The following LAMC2 variants were observed in gnomAD, a reference collection of about 807,000 sequenced individuals.
LAMC2 encodes laminin subunit gamma-2.
Under a neutral mutation model 140.2 loss-of-function variants are expected in LAMC2, and 97 were observed. The observed-to-expected ratio is 0.69, with a 90% confidence interval of 0.59 to 0.82. LAMC2 has a LOEUF of 0.82. Among genes scored for constraint, LAMC2 ranks in the 40% least tolerant of loss-of-function variants. LAMC2 has a pLI of 0.00. For missense variants in LAMC2, 1,402 were observed against 1,476.1 expected (o/e 0.95, Z 0.82); for synonymous variants, 513 against 540.2 (o/e 0.95, Z 0.70).
chr1:183,255,353 G>A, the LAMC2 span, among the ~76,000 whole-genome samples: 1 of 152,130 alleles, frequency 6.6e-6, no homozygotes, highest in Non-Finnish European at 1.5e-5. Flanking sequence ...GAAGTGTGAT[G>A]CCTCCAACTT....
At chr1:183,239,945 G>A (rs150636475) in intron 20 of LAMC2, 95 bp from the exon 21 acceptor site, 263 of 1,372,240 alleles carry the variant, frequency 1.9e-4, no homozygotes, top group Middle Eastern at 2.4e-4. Context: ...ATCAGGGCCC[G>A]GCTGCCGCTG....
At chr1:183,237,745 G>T (rs181423105) in intron 18 of LAMC2, among the ~76,000 whole-genome samples, 1 of 152,260 alleles carries the variant, frequency 6.6e-6, no homozygotes, top group Admixed American at 6.5e-5. Context: ...AAATAGCTGT[G>T]CATGATGACA....
At chr1:183,190,859 G>A (rs1658310368) in intron 1 of LAMC2, among the ~76,000 whole-genome samples, 1 of 152,158 alleles carries the variant, frequency 6.6e-6, no homozygotes, top group East Asian at 1.9e-4. Flanking sequence ...ATACAGTACT[G>A]TTTGAATCTG....
At chr1:183,232,473 G>T in intron 13 of LAMC2, 130 bp downstream of exon 13, 3 of 1,181,600 alleles carry the variant, frequency 2.5e-6, no homozygotes, top group Non-Finnish European at 3.7e-6. Flanking sequence ...TGCAGAAGTG[G>T]AAGGACTGTC....
chr1:183,193,325 CTG>C (rs1317633582), intron 1 of LAMC2, among the ~76,000 whole-genome samples: 1 of 152,176 alleles, frequency 6.6e-6, no homozygotes, highest in African/African-American at 2.4e-5. Context: ...GTTGATAGTA[CTG>C]TGATAAGACT....
intron 5 of LAMC2, among the ~76,000 whole-genome samples, 192 bp from the exon 6 acceptor site, chr1:183,221,897 G>A (rs943743842): frequency 3.3e-5 from 5 of 152,152 alleles, no homozygotes; most frequent in Non-Finnish European, 7.3e-5. Flanking sequence ...TGCGGGATGG[G>A]AGCAGGTGAA....
intron 1 of LAMC2, among the ~76,000 whole-genome samples, chr1:183,204,603 G>A (rs1359555452): frequency 6.6e-6 from 1 of 152,060 alleles, no homozygotes; most frequent in Non-Finnish European, 1.5e-5. Flanking sequence ...CAGCACTCCA[G>A]CCTGGACAAC....
chr1:183,206,915 C>T (rs1455339124), intron 1 of LAMC2, among the ~76,000 whole-genome samples: 1 of 152,184 alleles, frequency 6.6e-6, no homozygotes, highest in Admixed American at 6.5e-5. Context: ...TTCACCTTTC[C>T]GAGCTGCATG....
chr1:183,195,787 A>G (rs1247787827), intron 1 of LAMC2, among the ~76,000 whole-genome samples: 1 of 150,214 alleles, frequency 6.7e-6, no homozygotes, highest in East Asian at 2.0e-4. Context: ...CACATTAAAC[A>G]ATGAAGTTCA....
At chr1:183,229,078 AG>A (rs1659722926) in intron 11 of LAMC2, among the ~76,000 whole-genome samples, 2 of 152,212 alleles carry the variant, frequency 1.3e-5, no homozygotes, top group African/African-American at 4.8e-5. Context: ...ATGTGTAGAA[AG>A]GTAACAGTCA....
the LAMC2 span, among the ~76,000 whole-genome samples, chr1:183,253,904 C>CGT: frequency 0.035 from 5,002 of 144,290 alleles, 131 homozygotes; most frequent in Middle Eastern, 0.067. Flanking sequence ...GTTCCACTTC[C>CGT]GTGTGTGTGT....
At chr1:183,206,540 G>A (rs2102193413) in intron 1 of LAMC2, among the ~76,000 whole-genome samples, 1 of 152,092 alleles carries the variant, frequency 6.6e-6, no homozygotes, top group Middle Eastern at 3.4e-3. Flanking sequence ...AGCTACTTGG[G>A]AGGCTGAGGC....
intron 2 of LAMC2, among the ~76,000 whole-genome samples, chr1:183,211,042 CA>C (rs1426461470): frequency 6.6e-6 from 1 of 152,128 alleles, no homozygotes; most frequent in Non-Finnish European, 1.5e-5. Context: ...ACATGTCTTA[CA>C]AAAAAATGCT....
chr1:183,236,595 G>A lies in LAMC2; in HGVS notation c.2592G>A (p.Gln864=). 1 of 1,614,092 alleles carries A rather than the reference G, an allele frequency of 6.2e-7. No individual in the cohort carries two copies. The highest frequency in any genetic ancestry group is 8.5e-7 in the Non-Finnish European group (1 of 1,180,010). Residue 864 remains glutamine (Q), a synonymous_variant, in exon 17 of 23, where the codon CAG becomes CAA. Transcript: ENST00000264144. The stretch of plus-strand genomic sequence containing the variant: ...CTCGGCTTCAGGGAGTCAGTGATCA[G>A]TCCTTTCAGGTGAGGGCATCTGGCC... ...SVSRLQGVSD[Q]SFQVEEAKRI...
At chr1:183,221,325 A>G (rs961796271) in intron 5 of LAMC2, among the ~76,000 whole-genome samples, 1 of 152,220 alleles carries the variant, frequency 6.6e-6, no homozygotes, top group African/African-American at 2.4e-5. Flanking sequence ...CTGTTTTCAC[A>G]TATAATAAAT....
intron 22 of LAMC2, chr1:183,240,749 A>G: frequency 2.8e-6 from 3 of 1,072,732 alleles, no homozygotes; most frequent in Non-Finnish European, 3.5e-6. Context: ...GCAGAGGAAT[A>G]ACATCACCAC....
At position 183,215,530 on chromosome 1, in the gene LAMC2, T is replaced by C. The variant is rs1158322113; in HGVS notation, c.346T>C (p.Cys116Arg). 1.9e-6 allele frequency: 3 copies of C among 1,614,228 alleles called. No homozygotes were observed. Among genetic ancestry groups the C allele is most frequent in the Non-Finnish European group, 2.5e-6 (3 of 1,180,044 alleles). Residue 116 changes from cysteine (C) to arginine (R), a missense_variant, in exon 3 of 23, where the codon TGT becomes CGT. Cys to Arg is a radical substitution (Grantham distance 180, BLOSUM62 -3). Coordinates refer to ENST00000264144, the MANE Select transcript of LAMC2 (RefSeq NM_005562.3). Reference sequence around the variant, plus strand: ...TGTGACAGGAGCCAGATGCGACCGATGTCTGCCAGGCTTCCACATGCTCAC... The same window carrying C: ...TGTGACAGGAGCCAGATGCGACCGACGTCTGCCAGGCTTCCACATGCTCAC... ...PGVTGARCDR[C>R]LPGFHMLTDA...
intron 1 of LAMC2, among the ~76,000 whole-genome samples, chr1:183,206,827 C>G (rs1347723212): frequency 6.6e-6 from 1 of 152,298 alleles, no homozygotes; most frequent in South Asian, 2.1e-4. Flanking sequence ...CCAACAGAGA[C>G]AGCCTGTGTA....
rs562432358 is a variant in LAMC2, at chr1:183,233,783, G to T, written c.2221-584G>T. On this transcript the variant is annotated intron_variant, in intron 14 of 22. Transcript: ENST00000264144. The stretch of plus-strand genomic sequence containing the variant: ...AAAAGAATTTTTATTTTACTTTGTT[G>T]TTGTTTTGGATTTTTTTATGTATAT... 3.5e-5 allele frequency among the ~76,000 whole-genome samples: 5 copies of T among 141,400 alleles called. No individual in the cohort carries two copies. In the East Asian group the frequency reaches 8.4e-4, roughly 24 times the overall value. The allele number at this position is 141,400 out of a possible 152,430, so 92.8% of individuals were successfully genotyped here.
Sources: allele counts gnomAD v4.1 joint callset (sites outside exome capture counted in the v4.1 genomes callset), GRCh38; gene constraint gnomAD v4.1.1; transcripts MANE v1.5; gene names NCBI Gene and HGNC (gene_info 2026-07-23, HGNC 2026-07-21).